FHIT: variants seen among roughly 807,000 people sequenced by gnomAD.
FHIT encodes bis(5'-adenosyl)-triphosphatase.
Under a neutral mutation model 17.9 loss-of-function variants are expected in FHIT, and 19 were observed. That is an observed-to-expected ratio of 1.06 (90% confidence interval 0.74 to 1.56). The LOEUF is 1.56. FHIT is among the 40% of genes most tolerant of loss of function. The pLI is 0.00. For missense variants in FHIT, 248 were observed against 189.2 expected (o/e 1.31, Z -1.82); for synonymous variants, 81 against 69.7 (o/e 1.16, Z -0.81).
chr3:60,087,759 CTA>C (rs1267063124), intron 5 of FHIT, among the ~76,000 whole-genome samples: 1 of 152,154 alleles, frequency 6.6e-6, no homozygotes, highest in Non-Finnish European at 1.5e-5. Context: ...ATTTTACAGT[CTA>C]TATTTCTATC....
chr3:60,198,667 T>A (rs933185001), intron 5 of FHIT, among the ~76,000 whole-genome samples: 1 of 152,162 alleles, frequency 6.6e-6, no homozygotes, highest in East Asian at 1.9e-4. Flanking sequence ...ACCATCACCG[T>A]CAACTTATGG....
chr3:60,048,289 G>A (rs1284447513), intron 5 of FHIT, among the ~76,000 whole-genome samples: 1 of 152,138 alleles, frequency 6.6e-6, no homozygotes, highest in African/African-American at 2.4e-5. Flanking sequence ...CTATTCTCCT[G>A]CCTCAGCCTC....
At chr3:61,129,326 A>C (rs1442046630) in intron 2 of FHIT, among the ~76,000 whole-genome samples, 1 of 152,194 alleles carries the variant, frequency 6.6e-6, no homozygotes, top group Non-Finnish European at 1.5e-5. Context: ...ATCTAAATAC[A>C]TGCATAATTT....
intron 8 of FHIT, among the ~76,000 whole-genome samples, chr3:59,794,642 C>T (rs1255924339): frequency 3.3e-5 from 5 of 152,208 alleles, no homozygotes; most frequent in Non-Finnish European, 7.3e-5. Flanking sequence ...GGCACTGAGG[C>T]CCAGAGCCCA....
intron 5 of FHIT, among the ~76,000 whole-genome samples, chr3:60,384,161 G>C (rs1161246062): frequency 6.6e-6 from 1 of 151,804 alleles, no homozygotes; most frequent in African/African-American, 2.4e-5. Flanking sequence ...CCAGCTACTT[G>C]GGAGGCTGAG....
intron 3 of FHIT, among the ~76,000 whole-genome samples, chr3:60,893,979 A>G (rs1212900306): frequency 6.6e-6 from 1 of 152,206 alleles, no homozygotes; most frequent in Non-Finnish European, 1.5e-5. Context: ...GGAAAGGTTC[A>G]CTGTTGTCAG....
At chr3:60,701,725 C>G (rs2041252182) in intron 4 of FHIT, among the ~76,000 whole-genome samples, 1 of 152,170 alleles carries the variant, frequency 6.6e-6, no homozygotes, top group African/African-American at 2.4e-5. Context: ...TCGCAGCCTC[C>G]AGCTGCATGA....
At chr3:60,293,639 G>A (rs764905171) in intron 5 of FHIT, among the ~76,000 whole-genome samples, 7 of 151,924 alleles carry the variant, frequency 4.6e-5, no homozygotes, top group Non-Finnish European at 8.8e-5. Flanking sequence ...AAAATGAAAC[G>A]GTCCCTTGTT....
At chr3:61,016,268 A>G (rs1434225159) in intron 3 of FHIT, among the ~76,000 whole-genome samples, 2 of 152,228 alleles carry the variant, frequency 1.3e-5, no homozygotes, top group Non-Finnish European at 2.9e-5. Context: ...GAGTGATGAA[A>G]TGGAAATCAC....
At chr3:60,015,609 C>T (rs1440384582) in intron 5 of FHIT, among the ~76,000 whole-genome samples, 2 of 152,184 alleles carry the variant, frequency 1.3e-5, no homozygotes, top group African/African-American at 4.8e-5. Flanking sequence ...TATTCCTCCT[C>T]CCTGATTTGA....
At chr3:60,205,228 T>C (rs1397377383) in intron 5 of FHIT, among the ~76,000 whole-genome samples, 1 of 152,320 alleles carries the variant, frequency 6.6e-6, no homozygotes, top group Admixed American at 6.5e-5. Context: ...ATTAGATTTA[T>C]ACAGTAGCCT....
chr3:60,631,924 C>T (rs782442275), intron 4 of FHIT, among the ~76,000 whole-genome samples: 11 of 152,234 alleles, frequency 7.2e-5, no homozygotes, highest in Middle Eastern at 3.4e-3. Flanking sequence ...TACCACACAG[C>T]TACACAGAAC....
chr3:60,963,544 C>T (rs1575762833), intron 3 of FHIT, among the ~76,000 whole-genome samples: 2 of 152,170 alleles, frequency 1.3e-5, no homozygotes, highest in Non-Finnish European at 2.9e-5. Flanking sequence ...TTAGATCTTT[C>T]CTGCTTTCTC....
At chr3:60,010,365 T>C (rs1700093312) in intron 7 of FHIT, among the ~76,000 whole-genome samples, 1 of 152,216 alleles carries the variant, frequency 6.6e-6, no homozygotes. Context: ...GTAGCCCATA[T>C]GGTGGCAGTC....
intron 2 of FHIT, among the ~76,000 whole-genome samples, chr3:61,174,855 G>T (rs1292187836): frequency 6.6e-6 from 1 of 152,150 alleles, no homozygotes; most frequent in Non-Finnish European, 1.5e-5. Flanking sequence ...ACTTGTGAGG[G>T]TACCATTATC....
chr3:59,802,592 C>T (rs946248318), intron 8 of FHIT, among the ~76,000 whole-genome samples: 3 of 152,166 alleles, frequency 2.0e-5, no homozygotes, highest in Admixed American at 1.3e-4. Context: ...TTCCATTACC[C>T]ACCCAAATCC....
chr3:60,216,505 A>T (rs190888760), intron 5 of FHIT, among the ~76,000 whole-genome samples: 47 of 152,282 alleles, frequency 3.1e-4, no homozygotes, highest in African/African-American at 1.0e-3. Flanking sequence ...AGAATATTTG[A>T]ATGTCCCAAA....
chr3:61,087,732 T>C (rs1320366123), intron 2 of FHIT, among the ~76,000 whole-genome samples: 2 of 152,134 alleles, frequency 1.3e-5, no homozygotes, highest in Non-Finnish European at 2.9e-5. Flanking sequence ...CATGTTGTAA[T>C]TCATTTCCAC....
At chr3:60,488,144 C>A (rs2033917619) in intron 5 of FHIT, among the ~76,000 whole-genome samples, 1 of 152,130 alleles carries the variant, frequency 6.6e-6, no homozygotes, top group Non-Finnish European at 1.5e-5. Context: ...TAAATATAAA[C>A]CTTTGTTAAA....
Sources: gnomAD v4.1 joint callset for allele counts (sites outside exome capture counted in the v4.1 genomes callset) on GRCh38, gnomAD v4.1.1 for gene constraint, MANE v1.5 for transcripts, NCBI Gene and HGNC (gene_info 2026-07-23, HGNC 2026-07-21) for gene names.